The following FRMPD4 variants were observed in gnomAD, a reference collection of about 807,000 sequenced individuals.
The protein encoded by FRMPD4 is FERM and PDZ domain containing 4.
Under a neutral mutation model 94.1 loss-of-function variants are expected in FRMPD4, and 22 were observed. The ratio of observed to expected loss-of-function variants is 0.23; its 90% CI spans 0.17 to 0.33. The LOEUF is 0.33. FRMPD4 is among the 10% of genes least tolerant of loss of function. FRMPD4 has a pLI of 1.00. For missense variants in FRMPD4, 1,111 were observed against 1,339.9 expected (o/e 0.83, Z 2.67); for synonymous variants, 631 against 548.6 (o/e 1.15, Z -2.10).
chrX:12,402,808 C>T (rs746109664), intron 1 of FRMPD4, among the ~76,000 whole-genome samples: 132 of 111,945 alleles, frequency 1.2e-3, no homozygotes, highest in African/African-American at 4.1e-3. Context: ...TGTGAGGACA[C>T]AGCATTGGTC....
At chrX:12,111,830 T>C (rs1264395863) in intron 3 of FRMPD4, among the ~76,000 whole-genome samples, 2 of 112,072 alleles carry the variant, frequency 1.8e-5, no homozygotes, top group Non-Finnish European at 3.8e-5. Flanking sequence ...TCATCATCAC[T>C]GGCCATCAGA....
At chrX:12,481,811 G>A (rs369850528) in intron 1 of FRMPD4, among the ~76,000 whole-genome samples, 5 of 105,045 alleles carry the variant, frequency 4.8e-5, no homozygotes, top group South Asian at 4.5e-4. Context: ...GTGTGGTGGC[G>A]TACACCTGTA....
chrX:12,520,220 T>A (rs2148268782), intron 2 of FRMPD4, among the ~76,000 whole-genome samples: 1 of 112,012 alleles, frequency 8.9e-6, no homozygotes, highest in South Asian at 3.8e-4. Context: ...TACTGTTATA[T>A]GCTACAACAA....
intron 2 of FRMPD4, among the ~76,000 whole-genome samples, chrX:12,565,563 T>C (rs560123506): frequency 8.9e-6 from 1 of 112,000 alleles, no homozygotes; most frequent in African/African-American, 3.2e-5. Flanking sequence ...CTATCAAATA[T>C]CTGACCAGTA....
intron 2 of FRMPD4, among the ~76,000 whole-genome samples, chrX:12,512,923 T>G (rs2058058707): frequency 1.8e-5 from 2 of 112,571 alleles, no homozygotes; most frequent in Non-Finnish European, 3.8e-5. Flanking sequence ...CTGACTGGCA[T>G]GAGATGATAT....
chrX:11,887,030 C>A (rs909253539), intron 3 of FRMPD4, among the ~76,000 whole-genome samples: 1 of 111,441 alleles, frequency 9.0e-6, no homozygotes, highest in African/African-American at 3.3e-5. Flanking sequence ...ATTCATGTGT[C>A]TATTGTCTGT....
intron 1 of FRMPD4, among the ~76,000 whole-genome samples, chrX:12,245,601 T>G (rs1480376528): frequency 9.5e-6 from 1 of 105,706 alleles, no homozygotes; most frequent in Non-Finnish European, 1.9e-5. Flanking sequence ...CCAAAGCTCA[T>G]GTTGAAATTC....
intron 3 of FRMPD4, among the ~76,000 whole-genome samples, chrX:12,062,521 A>G (rs984048917): frequency 9.0e-6 from 1 of 110,604 alleles, no homozygotes; most frequent in Admixed American, 9.7e-5. Context: ...ACAGGGTCTC[A>G]CTCTGTCACC....
At chrX:12,564,908 T>C (rs1380105545) in intron 2 of FRMPD4, among the ~76,000 whole-genome samples, 1 of 110,389 alleles carries the variant, frequency 9.1e-6, no homozygotes, top group Non-Finnish European at 1.9e-5. Flanking sequence ...GTGGCCAAAC[T>C]TGGAAATTTT....
chrX:11,832,449 G>A (rs147113345), intron 1 of FRMPD4, among the ~76,000 whole-genome samples: 4,598 of 111,324 alleles, frequency 0.041, 97 homozygotes, highest in Non-Finnish European at 0.06. Context: ...CAGTTGTGCT[G>A]CAGAGGAAAT....
intron 1 of FRMPD4, among the ~76,000 whole-genome samples, chrX:12,278,540 TA>T (rs1230936819): frequency 8.0e-5 from 9 of 112,117 alleles, no homozygotes; most frequent in Admixed American, 6.6e-4. Context: ...TTCTAATACC[TA>T]AAAAAACTCC....
chrX:12,418,348 TTC>T (rs1267131551), intron 1 of FRMPD4, among the ~76,000 whole-genome samples: 2 of 52,108 alleles, frequency 3.8e-5, no homozygotes, highest in Admixed American at 2.7e-4. Flanking sequence ...CAGTGTTTCT[TTC>T]TTTTTTTTTT....
At chrX:12,224,757 A>C (rs913752006) in intron 1 of FRMPD4, among the ~76,000 whole-genome samples, 1 of 111,656 alleles carries the variant, frequency 9.0e-6, no homozygotes, top group Admixed American at 9.5e-5. Context: ...TCTCAAGCCT[A>C]ATCTTTCAGT....
chrX:11,947,415 G>C (rs5979494), intron 3 of FRMPD4, among the ~76,000 whole-genome samples: 6,261 of 111,882 alleles, frequency 0.056, 198 homozygotes, highest in East Asian at 0.21. Context: ...GGAAGTCAGG[G>C]ACTGTCTCAT....
At chrX:11,833,791 C>A (rs1223069915) in intron 1 of FRMPD4, among the ~76,000 whole-genome samples, 1 of 111,651 alleles carries the variant, frequency 9.0e-6, no homozygotes, top group Non-Finnish European at 1.9e-5. Flanking sequence ...TGTGATTGAG[C>A]TCTGGCCAAT....
In FRMPD4 at chrX:12,097,018, G is replaced by C. The variant is rs1004748883; in HGVS notation, c.95+219000G>C. 2.7e-5 allele frequency among the ~76,000 whole-genome samples: 3 copies of C among 112,159 alleles called. No individual in the cohort carries two copies. The Admixed American group carries it at 2.8e-4, about 11-fold the overall frequency. On this transcript the variant is annotated intron_variant, in intron 3 of 18. Coordinates refer to the FRMPD4 transcript ENST00000640291. ...GACAAAATAGAAATGGAAACTCTTT[G>C]GAGTGTGAACACATTAAATGCACCT... is the stretch of plus-strand genomic sequence containing the variant.
intron 3 of FRMPD4, among the ~76,000 whole-genome samples, chrX:12,129,903 T>C (rs2055534018): frequency 8.9e-6 from 1 of 111,840 alleles, no homozygotes; most frequent in Non-Finnish European, 1.9e-5. Context: ...ATGTGGGGCA[T>C]CATAATGATT....
intron 1 of FRMPD4, among the ~76,000 whole-genome samples, chrX:12,415,931 T>C (rs953968136): frequency 1.8e-5 from 2 of 112,573 alleles, no homozygotes; most frequent in African/African-American, 3.2e-5. Context: ...TTTCAGAAAA[T>C]TTGCTAATTA....
intron 1 of FRMPD4, among the ~76,000 whole-genome samples, chrX:12,223,935 C>T (rs1317559563): frequency 9.0e-6 from 1 of 111,224 alleles, no homozygotes; most frequent in Non-Finnish European, 1.9e-5. Context: ...ATAATTGTAT[C>T]GTTTAGCGTC....
Sources: allele counts gnomAD v4.1 joint callset (sites outside exome capture counted in the v4.1 genomes callset), GRCh38; gene constraint gnomAD v4.1.1; transcripts MANE v1.5; gene names NCBI Gene and HGNC (gene_info 2026-07-23, HGNC 2026-07-21).